GAREM1: variants seen among roughly 807,000 people sequenced by gnomAD.
GAREM1 encodes GRB2-associated and regulator of MAPK protein 1.
Under a neutral mutation model 71.3 loss-of-function variants are expected in GAREM1, and 26 were observed. The ratio of observed to expected loss-of-function variants is 0.36; its 90% CI spans 0.27 to 0.51. The LOEUF (loss-of-function observed/expected upper bound fraction) is 0.51. GAREM1 is among the 20% of genes least tolerant of loss of function. The pLI is 0.95. For missense variants in GAREM1, 1,026 were observed against 1,103.1 expected (o/e 0.93, Z 0.99); for synonymous variants, 440 against 433.2 (o/e 1.02, Z -0.20).
At chr18:32,302,322 T>C (rs1444889478) in intron 3 of GAREM1, among the ~76,000 whole-genome samples, 5 of 152,208 alleles carry the variant, frequency 3.3e-5, no homozygotes, top group Non-Finnish European at 5.9e-5. Context: ...AGATCTAAAA[T>C]GTAATGATTA....
At chr18:32,454,552 G>A (rs1198566804) in intron 1 of GAREM1, among the ~76,000 whole-genome samples, 1 of 152,166 alleles carries the variant, frequency 6.6e-6, no homozygotes, top group East Asian at 1.9e-4. Context: ...ACAAGCCTCA[G>A]AGTATTTTTC....
intron 2 of GAREM1, among the ~76,000 whole-genome samples, chr18:32,379,691 C>T (rs1355153064): frequency 2.0e-5 from 3 of 148,968 alleles, no homozygotes; most frequent in Non-Finnish European, 4.4e-5. Flanking sequence ...GGTGACAGAA[C>T]GAGACTTGGT....
chr18:32,425,695 CCAAA>C (rs1176811310), intron 1 of GAREM1, among the ~76,000 whole-genome samples: 12 of 152,120 alleles, frequency 7.9e-5, no homozygotes, highest in South Asian at 2.1e-4. Flanking sequence ...AAGAACACAG[CCAAA>C]CAAAGATATG....
At chr18:32,324,822 A>C (rs1400941352) in intron 2 of GAREM1, among the ~76,000 whole-genome samples, 7 of 152,258 alleles carry the variant, frequency 4.6e-5, no homozygotes, top group Non-Finnish European at 1.0e-4. Context: ...CCTATTACTA[A>C]GTGAAAGATG....
At chr18:32,299,085 G>C (rs369725688) in intron 3 of GAREM1, among the ~76,000 whole-genome samples, 1 of 152,158 alleles carries the variant, frequency 6.6e-6, no homozygotes, top group African/African-American at 2.4e-5. Context: ...AAAAAGGACT[G>C]AGCTATCTTC....
intron 1 of GAREM1, 145 bp from the exon 2 acceptor site, chr18:32,393,180 GTT>G (rs10708225): frequency 0.08 from 35,421 of 442,610 alleles, 487 homozygotes; most frequent in South Asian, 0.094. Context: ...CCTCTGAATT[GTT>G]TTTTTTTTTT....
At chr18:32,390,125 C>T (rs1430497753) in intron 2 of GAREM1, among the ~76,000 whole-genome samples, 1 of 152,148 alleles carries the variant, frequency 6.6e-6, no homozygotes, top group African/African-American at 2.4e-5. Context: ...GAGCCATGAA[C>T]ACACCACTGC....
chr18:32,387,992 G>C (rs1030376199), intron 2 of GAREM1, among the ~76,000 whole-genome samples: 3 of 152,160 alleles, frequency 2.0e-5, no homozygotes, highest in Non-Finnish European at 4.4e-5. Context: ...AAAGTAAGGG[G>C]TACTACTTGG....
At position 32,455,626 on chromosome 18, in the gene GAREM1, A is replaced by G. The variant is rs10502601; in HGVS notation, c.121+14682T>C. On this transcript the variant is annotated intron_variant, in intron 1 of 5. Transcript: ENST00000269209. ...CTATCCTTCTAGAAGGCATTTAACA[A>G]GCTACTATCACTTCAGAGACTCACC... 0.027 allele frequency among the ~76,000 whole-genome samples: 4,064 copies of G among 152,238 alleles called. 415 individuals are homozygous for G. The East Asian group carries it at 0.35, about 13-fold the overall frequency.
intron 1 of GAREM1, among the ~76,000 whole-genome samples, chr18:32,393,889 T>C (rs1324120327): frequency 6.6e-6 from 1 of 152,238 alleles, no homozygotes; most frequent in East Asian, 1.9e-4. Flanking sequence ...TGAAAATATC[T>C]GAAAAGGCTA....
intron 1 of GAREM1, among the ~76,000 whole-genome samples, chr18:32,429,126 G>T (rs908866268): frequency 5.3e-5 from 8 of 151,972 alleles, no homozygotes; most frequent in African/African-American, 1.9e-4. Context: ...AGTCTCTATC[G>T]TCCATATTAA....
In GAREM1 at chr18:32,470,881, C is replaced by G. The variant is rs1367646520; in HGVS notation, c.-453G>C. On this transcript the variant is annotated 5_prime_UTR_variant, in exon 1 of 6. Coordinates refer to ENST00000269209, the MANE Select transcript of GAREM1 (RefSeq NM_001242409.2). The surrounding 1 kb of genome is among the most constrained non-coding windows in gnomAD (Gnocchi z 4.4). Reference sequence around the variant, plus strand: ...GCCATAGCAGCGCTCCCAGCACTGACTAATCAACAAGGTGCGAGCAACGCC... The same window carrying G: ...GCCATAGCAGCGCTCCCAGCACTGAGTAATCAACAAGGTGCGAGCAACGCC... Among the ~76,000 whole-genome samples the G allele has an allele frequency of 2.0e-5, 3 of 150,982 alleles. No individual in the cohort carries two copies. Among genetic ancestry groups the G allele is most frequent in the African/African-American group, 7.3e-5 (3 of 41,312 alleles).
chr18:32,305,031 G>C (rs551395510), intron 3 of GAREM1, among the ~76,000 whole-genome samples: 2 of 151,570 alleles, frequency 1.3e-5, no homozygotes, highest in Non-Finnish European at 2.9e-5. Flanking sequence ...ATAATTAAGA[G>C]AGAAAAAGCC....
intron 2 of GAREM1, among the ~76,000 whole-genome samples, chr18:32,377,256 A>G (rs2048039065): frequency 1.3e-5 from 2 of 152,158 alleles, no homozygotes; most frequent in African/African-American, 4.8e-5. Flanking sequence ...CCTGATTCTA[A>G]TTGGATCAGT....
Position 32,268,027 on chromosome 18 carries a change from C to T in GAREM1, c.2475G>A (p.Leu825=). Residue 825 remains leucine, a synonymous_variant, in exon 6 of 6, where the codon TTG becomes TTA. Coordinates refer to ENST00000269209, the MANE Select transcript of GAREM1 (RefSeq NM_001242409.2). ...EVSKSLRFIG[L]SEDVISFFVT... ...CAAAGAATGATATGACATCTTCGGACAAACCAATGAACCGTAGTGACTTGG... is the reference window on the plus strand; with the variant it reads ...CAAAGAATGATATGACATCTTCGGATAAACCAATGAACCGTAGTGACTTGG... 6.2e-7 allele frequency: 1 copy of T among 1,614,118 alleles called. No homozygotes were observed. The highest frequency in any genetic ancestry group is 8.5e-7 in the Non-Finnish European group (1 of 1,180,016).
intron 1 of GAREM1, among the ~76,000 whole-genome samples, chr18:32,431,773 C>T (rs533424310): frequency 2.6e-5 from 4 of 152,046 alleles, no homozygotes; most frequent in South Asian, 2.1e-4. Context: ...ACAATGAAAC[C>T]GGTGAACACG....
intron 2 of GAREM1, among the ~76,000 whole-genome samples, chr18:32,322,576 A>C (rs2047439880): frequency 6.6e-6 from 1 of 152,164 alleles, no homozygotes; most frequent in Non-Finnish European, 1.5e-5. Context: ...ATAGTATTTT[A>C]TTGTCCTTAT....
chr18:32,455,783 A>G (rs145597909), intron 1 of GAREM1, among the ~76,000 whole-genome samples: 7 of 152,304 alleles, frequency 4.6e-5, no homozygotes, highest in African/African-American at 1.4e-4. Flanking sequence ...TTCTTTAGGA[A>G]CAAAATAATT....
At chr18:32,286,206 C>T (rs2047015997) in intron 4 of GAREM1, among the ~76,000 whole-genome samples, 1 of 151,946 alleles carries the variant, frequency 6.6e-6, no homozygotes, top group Non-Finnish European at 1.5e-5. Flanking sequence ...AATAGAGGGC[C>T]CTTTCTCTTG....
Sources: gnomAD v4.1 joint callset for allele counts (sites outside exome capture counted in the v4.1 genomes callset) on GRCh38, gnomAD v4.1.1 for gene constraint, Gnocchi (gnomAD v3.1) non-coding constraint, MANE v1.5 for transcripts, NCBI Gene and HGNC (gene_info 2026-07-23, HGNC 2026-07-21) for gene names.